IRF2: variants seen among roughly 807,000 people sequenced by gnomAD.
The protein encoded by IRF2 is interferon regulatory factor 2.
Under a neutral mutation model 40.6 loss-of-function variants are expected in IRF2, and 15 were observed. That is an observed-to-expected ratio of 0.37 (90% CI 0.25 to 0.57). IRF2 has a LOEUF of 0.57. IRF2 is among the 20% of genes least tolerant of loss of function. The pLI is 0.77. For missense variants in IRF2, 317 were observed against 455.7 expected (o/e 0.70, Z 2.77); for synonymous variants, 151 against 165.5 (o/e 0.91, Z 0.67).
intron 1 of IRF2, among the ~76,000 whole-genome samples, chr4:184,440,791 G>A (rs1168573645): frequency 6.6e-6 from 1 of 152,186 alleles, no homozygotes; most frequent in Non-Finnish European, 1.5e-5. Context: ...ACTTGGGTGT[G>A]ACCTTTTTCC....
chr4:184,465,185 A>G (rs1003229859), intron 1 of IRF2, among the ~76,000 whole-genome samples: 1 of 152,050 alleles, frequency 6.6e-6, no homozygotes, highest in Non-Finnish European at 1.5e-5. Flanking sequence ...AAAGCCACCA[A>G]TCTAAGTGTC....
Position 184,408,395 on chromosome 4 carries a change from A to G in IRF2, c.412-120T>C. ...TAGGGTCATTCATGTTCAGCTGCCG[A>G]ATACATTCATCCCCTGCTTCTTTAA... On this transcript the variant is annotated intron_variant, in intron 5 of 8. Transcript: ENST00000393593. The surrounding 1 kb of genome is among the most constrained non-coding windows in gnomAD (Gnocchi z 4.9). 1.4e-6 allele frequency: 1 copy of G among 703,370 alleles called. No homozygotes were observed. The highest frequency in any genetic ancestry group is 2.5e-6 in the Non-Finnish European group (1 of 395,706). 43.6% of individuals were successfully genotyped at this position (703,370 alleles called of 1,614,324 possible). A position where few individuals can be genotyped will look rare whatever the true frequency, so the allele number is the denominator to read the frequency against.
rs1408762483 is a variant in IRF2 at position 184,416,344 on chromosome 4, C to T, written c.411+1823G>A. 2.7e-3 allele frequency among the ~76,000 whole-genome samples: 242 copies of T among 88,740 alleles called. 3 individuals carry two copies. The highest frequency in any genetic ancestry group is 0.011 in the African/African-American group (223 of 19,454). The allele number at this position is 88,740 out of a possible 152,430, so 58.2% of individuals were successfully genotyped here. The stretch of plus-strand genomic sequence containing the variant: ...AAAAAAAAACAAAAAAAAAAAAAAA[C>T]GAAAAAAAAAACTGTGAGAAACGAT... On this transcript the variant is annotated intron_variant, in intron 5 of 8. Transcript: ENST00000393593.
intron 1 of IRF2, among the ~76,000 whole-genome samples, chr4:184,469,617 G>A (rs1175032588): frequency 6.6e-6 from 1 of 152,238 alleles, no homozygotes; most frequent in Non-Finnish European, 1.5e-5. Context: ...TGAGCCTGTA[G>A]TGAGCTATGA....
intron 1 of IRF2, among the ~76,000 whole-genome samples, chr4:184,431,630 A>T (rs1737882272): frequency 6.6e-6 from 1 of 152,112 alleles, no homozygotes; most frequent in South Asian, 2.1e-4. Context: ...GAGCGAGGGA[A>T]GAGTAGTTAC....
intron 1 of IRF2, among the ~76,000 whole-genome samples, chr4:184,435,457 G>T (rs1471643943): frequency 6.6e-6 from 1 of 152,200 alleles, no homozygotes; most frequent in Admixed American, 6.5e-5. Flanking sequence ...TAATGGTACA[G>T]TAGGTAATTC....
intron 1 of IRF2, among the ~76,000 whole-genome samples, chr4:184,460,035 AC>A (rs1221100784): frequency 6.6e-6 from 1 of 152,234 alleles, no homozygotes; most frequent in Non-Finnish European, 1.5e-5. Context: ...TCAAACAGAT[AC>A]TTTTATACCA....
intron 1 of IRF2, among the ~76,000 whole-genome samples, chr4:184,467,272 G>A (rs927184410): frequency 2.6e-5 from 4 of 152,268 alleles, no homozygotes; most frequent in South Asian, 2.1e-4. Context: ...TGACATTTAT[G>A]CAAAGACAGA....
chr4:184,419,898 C>T (rs146707658), intron 2 of IRF2, among the ~76,000 whole-genome samples: 203 of 152,326 alleles, frequency 1.3e-3, no homozygotes, highest in African/African-American at 4.7e-3. Context: ...GACAGAGTCT[C>T]GCTCTGTTGC....
intron 1 of IRF2, among the ~76,000 whole-genome samples, chr4:184,434,537 C>T (rs1339979387): frequency 1.3e-5 from 2 of 152,144 alleles, no homozygotes; most frequent in Non-Finnish European, 2.9e-5. Flanking sequence ...AGAGTTGAAG[C>T]ATCTACCCTG....
At chr4:184,427,558 A>T (rs62339966) in intron 2 of IRF2, among the ~76,000 whole-genome samples, 10,758 of 152,208 alleles carry the variant, frequency 0.071, 420 homozygotes, top group Middle Eastern at 0.1. Flanking sequence ...AGGTGGGAGG[A>T]TCGCTTCAGC....
intron 5 of IRF2, among the ~76,000 whole-genome samples, chr4:184,409,796 C>T (rs988791169): frequency 2.0e-4 from 31 of 151,616 alleles, no homozygotes; most frequent in Admixed American, 5.2e-4. Context: ...TGGGAGGCTG[C>T]GGTGTTGGGA....
rs574830328 is a variant in IRF2 at position 184,453,515 on chromosome 4, CAGG to C, written c.-7+20861_-7+20863del. 1.6e-3 allele frequency among the ~76,000 whole-genome samples: 241 copies of C among 152,348 alleles called. 1 individual carries two copies. Among genetic ancestry groups the C allele is most frequent in the African/African-American group, 5.5e-3 (228 of 41,578 alleles). ...TCCTCTGAGCACTGCCTTTGCAGTA[CAGG>C]AGAAGTAACATGACCTCGAGAAGGC... On this transcript the variant is annotated intron_variant, in intron 1 of 8. Coordinates refer to ENST00000393593, the MANE Select transcript of IRF2 (RefSeq NM_002199.4).
intron 1 of IRF2, among the ~76,000 whole-genome samples, chr4:184,471,590 T>C (rs1406791698): frequency 6.6e-6 from 1 of 152,368 alleles, no homozygotes; most frequent in East Asian, 1.9e-4. Context: ...AACAGTTTTG[T>C]ACGAGATGAT....
chr4:184,400,714 C>T (rs1217136275), intron 6 of IRF2, among the ~76,000 whole-genome samples: 2 of 152,286 alleles, frequency 1.3e-5, no homozygotes, highest in Admixed American at 6.5e-5. Flanking sequence ...TCCACAGCCT[C>T]GGCAGCATTT....
intron 1 of IRF2, among the ~76,000 whole-genome samples, chr4:184,470,509 C>T (rs1376173647): frequency 6.6e-6 from 1 of 151,920 alleles, no homozygotes; most frequent in Non-Finnish European, 1.5e-5. Context: ...GCTGAAACCC[C>T]GTCTCTACTA....
intron 2 of IRF2, among the ~76,000 whole-genome samples, chr4:184,427,306 G>C (rs1344638233): frequency 2.0e-5 from 3 of 152,190 alleles, no homozygotes; most frequent in Non-Finnish European, 4.4e-5. Context: ...TATTTACTTA[G>C]TGCCTCACCT....
At chr4:184,419,084 C>T (rs1204873789) in intron 3 of IRF2, among the ~76,000 whole-genome samples, 1 of 152,194 alleles carries the variant, frequency 6.6e-6, no homozygotes, top group Non-Finnish European at 1.5e-5. Flanking sequence ...GACGCTCCAA[C>T]AAAGTCCATT....
chr4:184,436,045 C>T (rs553765663), intron 1 of IRF2, among the ~76,000 whole-genome samples: 2 of 150,112 alleles, frequency 1.3e-5, no homozygotes, highest in African/African-American at 4.9e-5. Context: ...GGCTCGAACT[C>T]GACTCACTGC....
Sources: allele counts gnomAD v4.1 joint callset (sites outside exome capture counted in the v4.1 genomes callset), GRCh38; gene constraint gnomAD v4.1.1; non-coding constraint Gnocchi (gnomAD v3.1); transcripts MANE v1.5; gene names NCBI Gene and HGNC (gene_info 2026-07-23, HGNC 2026-07-21).